The following SGTB variants were observed in gnomAD, a reference collection of about 807,000 sequenced individuals.
SGTB encodes the protein small glutamine-rich tetratricopeptide repeat-containing protein beta.
SGTB carries 19 observed loss-of-function variants against 43.9 expected under a neutral mutation model. The ratio of observed to expected loss-of-function variants is 0.43; its 90% CI spans 0.30 to 0.63. The LOEUF (loss-of-function observed/expected upper bound fraction) is 0.63, where lower values mean the gene tolerates loss of function less well. SGTB is among the 30% of genes least tolerant of loss of function. SGTB has a pLI of 0.12. For synonymous variants in SGTB, 116 were observed against 117.3 expected (o/e 0.99, Z 0.07); for missense variants, 304 against 358.9 (o/e 0.85, Z 1.24).
At chr5:65,720,009 G>A (rs1219991863) in intron 2 of SGTB, among the ~76,000 whole-genome samples, 2 of 151,812 alleles carry the variant, frequency 1.3e-5, no homozygotes, top group African/African-American at 4.8e-5. Flanking sequence ...GTATTAACCA[G>A]GATTTAAATC....
At chr5:65,705,272 C>CCA (rs754219339) in intron 4 of SGTB, among the ~76,000 whole-genome samples, 1 of 151,036 alleles carries the variant, frequency 6.6e-6, no homozygotes, top group Non-Finnish European at 1.5e-5. Flanking sequence ...GTGGGACCCC[C>CCA]CCTCATCTCA....
intron 3 of SGTB, among the ~76,000 whole-genome samples, chr5:65,710,577 A>G (rs188155305): frequency 6.6e-6 from 1 of 152,368 alleles, no homozygotes; most frequent in African/African-American, 2.4e-5. Context: ...CACTTGGTGA[A>G]ACAAATAATT....
chr5:65,722,183 C>T (rs1052280184), upstream of SGTB: 58 of 273,202 alleles, frequency 2.1e-4, no homozygotes, highest in Non-Finnish European at 3.3e-4. Context: ...TGGGGCGGGG[C>T]ACGGCGCGGG....
intron 5 of SGTB, among the ~76,000 whole-genome samples, chr5:65,697,357 A>G (rs142593962): frequency 2.0e-5 from 3 of 152,340 alleles, no homozygotes; most frequent in East Asian, 1.9e-4. Flanking sequence ...CTTCTAATAC[A>G]GTACTGGTGG....
intron 8 of SGTB, among the ~76,000 whole-genome samples, chr5:65,676,581 G>C (rs1757268847): frequency 6.6e-6 from 1 of 152,066 alleles, no homozygotes; most frequent in Admixed American, 6.6e-5. Flanking sequence ...TGGATCAAGT[G>C]GACCTGATAT....
chr5:65,720,873 A>T (rs1296084572), intron 1 of SGTB, 44 bp from the exon 2 acceptor site: 1 of 1,577,324 alleles, frequency 6.3e-7, no homozygotes, highest in Non-Finnish European at 8.6e-7. Flanking sequence ...TATTTTAAAG[A>T]ATCAGTCAGG....
chr5:65,717,032 T>C (rs761178539), intron 2 of SGTB, among the ~76,000 whole-genome samples: 3 of 151,624 alleles, frequency 2.0e-5, no homozygotes, highest in African/African-American at 4.8e-5. Context: ...CTAAATAAAA[T>C]ATACTGGGGG....
chr5:65,697,917 G>C (rs1362643753), intron 5 of SGTB, among the ~76,000 whole-genome samples: 1 of 152,170 alleles, frequency 6.6e-6, no homozygotes, highest in African/African-American at 2.4e-5. Context: ...CCACAACATG[G>C]TTGAATCTCA....
intron 8 of SGTB, 33 bp downstream of exon 8, chr5:65,680,461 A>G (rs1263247345): frequency 1.3e-6 from 2 of 1,596,306 alleles, no homozygotes; most frequent in Admixed American, 3.4e-5. Flanking sequence ...TGGAAAACAT[A>G]GCCAGTAGAG....
intron 8 of SGTB, among the ~76,000 whole-genome samples, chr5:65,678,531 A>C (rs536464863): frequency 1.4e-3 from 219 of 152,324 alleles, no homozygotes; most frequent in African/African-American, 5.1e-3. Context: ...AAGAGCCCAA[A>C]CATCCAAGGC....
chr5:65,701,009 CAAAAAAAAAAAAA>C (rs1161067337), intron 5 of SGTB, among the ~76,000 whole-genome samples: 1 of 16,120 alleles, frequency 6.2e-5, no homozygotes, highest in Non-Finnish European at 1.5e-4. Context: ...GACTCCGTCT[CAAAAAAAAAAAAA>C]AAAAAAAAAA....
intron 8 of SGTB, among the ~76,000 whole-genome samples, chr5:65,675,692 C>A (rs1200041393): frequency 6.6e-6 from 1 of 152,152 alleles, no homozygotes; most frequent in East Asian, 1.9e-4. Context: ...GGCCCATATT[C>A]AACATCCTTA....
intron 8 of SGTB, among the ~76,000 whole-genome samples, chr5:65,680,238 G>C (rs1295617723): frequency 6.6e-6 from 1 of 152,140 alleles, no homozygotes; most frequent in Non-Finnish European, 1.5e-5. Context: ...CTTAATACCT[G>C]GGTAATGGGA....
At chr5:65,704,050 A>AAT in intron 5 of SGTB, among the ~76,000 whole-genome samples, 1 of 99,360 alleles carries the variant, frequency 1.0e-5, no homozygotes, top group Middle Eastern at 5.3e-3. Context: ...AAAAAAAAAA[A>AAT]AATAAATAAA....
Position 65,682,250 on chromosome 5 carries a change from AG to A in SGTB, c.480-1457del, listed in dbSNP as rs550525880. Among the ~76,000 whole-genome samples, 231 of 152,332 alleles carry A rather than the reference AG, an allele frequency of 1.5e-3. 1 individual carries two copies. Among genetic ancestry groups the A allele is most frequent in the African/African-American group, 5.5e-3 (229 of 41,580 alleles). ...AGGAACAGGACAAGGGCTGATGAGG[AG>A]GGAACACAGAAAACAAAGCATGGAG... On this transcript the variant is annotated intron_variant, in intron 6 of 10. Transcript: ENST00000381007.
In SGTB at chr5:65,669,598, T is replaced by A. The variant is rs562971956; in HGVS notation, c.*648A>T. 6.6e-6 allele frequency: 1 copy of A among 152,550 alleles called. No homozygotes were observed. The highest frequency in any genetic ancestry group is 1.9e-4 in the East Asian group (1 of 5,188). The allele number at this position is 152,550 out of a possible 1,614,324, so 9.4% of individuals were successfully genotyped here. ...GCATCCTACCTTTACTTTCTATACA[T>A]TCGCATTACCAATTTTTTCTTTTCA... On this transcript the variant is annotated 3_prime_UTR_variant, in exon 11 of 11. Transcript: ENST00000381007.
At position 65,685,424 on chromosome 5, in the gene SGTB, A is replaced by G. The variant is rs763829470; in HGVS notation, c.423T>C (p.Asp141=). 50 of 1,614,002 alleles carry G rather than the reference A, an allele frequency of 3.1e-5. No individual in the cohort carries two copies. Among genetic ancestry groups the G allele is most frequent in the Middle Eastern group, 1.6e-4 (1 of 6,084 alleles). ...AATCAATTGCTATTGCTTTTTCACA[A>G]TCCTTTATCGCATCTGTGTAGTGAC... The part of the protein sequence containing the change: ...KLGHYTDAIK[D]CEKAIAIDSK... Residue 141 remains aspartate, a synonymous_variant, in exon 6 of 11, where the codon GAT becomes GAC. Coordinates refer to ENST00000381007, the MANE Select transcript of SGTB (RefSeq NM_019072.3).
At chr5:65,674,716 G>T (rs990684329) in intron 8 of SGTB, among the ~76,000 whole-genome samples, 8 of 151,908 alleles carry the variant, frequency 5.3e-5, no homozygotes, top group Non-Finnish European at 1.2e-4. Flanking sequence ...CCTTATTTTG[G>T]TACATAGCAG....
In SGTB at chr5:65,706,666, T is replaced by C. The variant is rs191430377; in HGVS notation, c.274+1823A>G. 3.3e-3 allele frequency among the ~76,000 whole-genome samples: 498 copies of C among 151,934 alleles called. 2 individuals are homozygous for C. The highest frequency in any genetic ancestry group is 0.011 in the African/African-American group (455 of 41,382). On this transcript the variant is annotated intron_variant, in intron 4 of 10. Coordinates refer to ENST00000381007, the MANE Select transcript of SGTB (RefSeq NM_019072.3). ...GGCCAACATAGTGAAACTCCATCTC[T>C]ATTAAAAATACAAAAATTAGCTGGG...
Sources: allele counts gnomAD v4.1 joint callset (sites outside exome capture counted in the v4.1 genomes callset), GRCh38; gene constraint gnomAD v4.1.1; transcripts MANE v1.5; gene names NCBI Gene and HGNC (gene_info 2026-07-23, HGNC 2026-07-21).